FAM120A: variants seen among roughly 807,000 people sequenced by gnomAD.
FAM120A encodes the protein constitutive coactivator of PPAR-gamma-like protein 1.
In FAM120A, 15 loss-of-function variants were observed where a neutral mutation model predicts 109.7. That is an observed-to-expected ratio of 0.14 (90% CI 0.09 to 0.21). The LOEUF (loss-of-function observed/expected upper bound fraction) is 0.21. Ranked by LOEUF, FAM120A falls within the 10% of genes least tolerant of loss-of-function variation. The pLI is 1.00. For synonymous variants in FAM120A, 493 were observed against 572.8 expected, an observed-to-expected ratio of 0.86 and a Z score of 1.99; for missense variants, 899 against 1,439.3, an observed-to-expected ratio of 0.62 and a Z score of 6.07.
chr9:93,485,791 C>T (rs1859018639), intron 3 of FAM120A, among the ~76,000 whole-genome samples: 1 of 149,406 alleles, frequency 6.7e-6, no homozygotes, highest in Admixed American at 6.7e-5. Context: ...AGTCACTCTC[C>T]ACTTCTTTCC....
intron 5 of FAM120A, among the ~76,000 whole-genome samples, chr9:93,505,101 C>T: frequency 7.7e-6 from 1 of 130,194 alleles, no homozygotes; most frequent in Non-Finnish European, 1.6e-5. Flanking sequence ...CGCTCTGTCA[C>T]CCAGGCTGGA....
At chr9:93,496,905 A>C (rs1290526542) in intron 3 of FAM120A, among the ~76,000 whole-genome samples, 1 of 152,204 alleles carries the variant, frequency 6.6e-6, no homozygotes, top group East Asian at 1.9e-4. Flanking sequence ...CTTTCCTCAA[A>C]CATGCCCCTC....
intron 5 of FAM120A, among the ~76,000 whole-genome samples, chr9:93,508,411 G>A (rs774005849): frequency 6.6e-6 from 1 of 152,134 alleles, no homozygotes; most frequent in Non-Finnish European, 1.5e-5. Flanking sequence ...TGCCCTGACA[G>A]GTCCCCAAGG....
chr9:93,546,549 C>T (rs150595194), intron 11 of FAM120A, among the ~76,000 whole-genome samples: 33 of 152,322 alleles, frequency 2.2e-4, no homozygotes, highest in Non-Finnish European at 4.1e-4. Flanking sequence ...CTGAGATGCA[C>T]GGACAGGGAA....
intron 3 of FAM120A, among the ~76,000 whole-genome samples, chr9:93,487,200 C>T (rs900957554): frequency 7.9e-5 from 12 of 152,036 alleles, no homozygotes; most frequent in Non-Finnish European, 1.6e-4. Flanking sequence ...CTCGCTCTGT[C>T]GCCCAGGCTG....
intron 12 of FAM120A, among the ~76,000 whole-genome samples, chr9:93,553,613 C>A (rs1419453906): frequency 6.6e-6 from 1 of 152,108 alleles, no homozygotes; most frequent in African/African-American, 2.4e-5. Context: ...AGTTGAGGAA[C>A]TTTGGATGAT....
chr9:93,561,184 G>A lies in FAM120A; in HGVS notation c.2882G>A (p.Arg961Lys), dbSNP rs368419087. 1.4e-5 allele frequency: 23 copies of A among 1,613,832 alleles called. No individual in the cohort carries two copies. The highest frequency in any genetic ancestry group is 1.9e-5 in the Non-Finnish European group (23 of 1,180,014). ...GTVVGHWAGSRRGRGGRGPFP... is the reference protein window; with the variant it reads ...GTVVGHWAGSKRGRGGRGPFP... The stretch of plus-strand genomic sequence containing the variant: ...GTGGTTGGCCATTGGGCTGGGAGCA[G>A]GCGGGGCCGTGGGGGCCGGGGGCCT... Residue 961 changes from arginine (R) to lysine (K), a missense_variant, in exon 16 of 18, where the codon AGG (arginine) becomes AAG (lysine). Physicochemically the swap from Arg to Lys is conservative, Grantham distance 26. Around this residue, in one of 11 missense-constraint regions of FAM120A, gnomAD observed 170 missense variants for 205.0 expected, o/e 0.83. Transcript: ENST00000277165.
chr9:93,462,856 G>A (rs1335171930), intron 1 of FAM120A, among the ~76,000 whole-genome samples: 1 of 152,166 alleles, frequency 6.6e-6, no homozygotes, highest in African/African-American at 2.4e-5. Context: ...ATGTTGTAAC[G>A]TGTCAGAATT....
intron 7 of FAM120A, among the ~76,000 whole-genome samples, chr9:93,520,923 G>C (rs1172991421): frequency 6.6e-6 from 1 of 152,142 alleles, no homozygotes; most frequent in Non-Finnish European, 1.5e-5. Flanking sequence ...TCTTTTCGTT[G>C]TATTTCTTTA....
intron 1 of FAM120A, chr9:93,453,426 A>C: frequency 1.0e-6 from 1 of 985,442 alleles, no homozygotes; most frequent in Non-Finnish European, 1.2e-6. Context: ...TCTTGAAAAC[A>C]AATTTTGGGG....
At chr9:93,510,472 T>A (rs1468068301) in intron 5 of FAM120A, among the ~76,000 whole-genome samples, 1 of 152,242 alleles carries the variant, frequency 6.6e-6, no homozygotes, top group Non-Finnish European at 1.5e-5. Context: ...GAATGTCAGT[T>A]CAGTTTACCA....
chr9:93,562,779 G>A (rs772780254), intron 17 of FAM120A, among the ~76,000 whole-genome samples: 6 of 150,250 alleles, frequency 4.0e-5, no homozygotes, highest in Non-Finnish European at 5.9e-5. Context: ...ATTCGCTTGC[G>A]TCAGCCTCCC....
At chr9:93,544,642 A>G (rs1234618787) in intron 11 of FAM120A, among the ~76,000 whole-genome samples, 1 of 152,226 alleles carries the variant, frequency 6.6e-6, no homozygotes, top group Admixed American at 6.5e-5. Flanking sequence ...ATTTTACTTT[A>G]TAACCACCAA....
chr9:93,531,288 A>G (rs1036152613), intron 9 of FAM120A: 6 of 152,264 alleles, frequency 3.9e-5, no homozygotes, highest in African/African-American at 1.4e-4. Flanking sequence ...TGAATGAAAG[A>G]AACAGCAAAT....
At chr9:93,537,466 A>G (rs913256676) in intron 10 of FAM120A, among the ~76,000 whole-genome samples, 1 of 152,146 alleles carries the variant, frequency 6.6e-6, no homozygotes, top group Non-Finnish European at 1.5e-5. Flanking sequence ...CTTGCCTCCC[A>G]TTTCCTACAA....
intron 3 of FAM120A, among the ~76,000 whole-genome samples, chr9:93,489,473 C>G (rs1258248269): frequency 1.3e-5 from 2 of 152,172 alleles, no homozygotes; most frequent in Non-Finnish European, 2.9e-5. Context: ...ACGATGGAGC[C>G]CAGGTTCCAG....
chr9:93,494,959 C>T (rs1353209304), intron 3 of FAM120A, among the ~76,000 whole-genome samples: 1 of 152,224 alleles, frequency 6.6e-6, no homozygotes, highest in Non-Finnish European at 1.5e-5. Flanking sequence ...TTTCTTCCCA[C>T]TGTGCGTCAT....
chr9:93,453,151 C>A (rs543593499), intron 1 of FAM120A: 7 of 1,003,500 alleles, frequency 7.0e-6, no homozygotes, highest in Middle Eastern at 5.0e-4. Context: ...AGGAGTCGCT[C>A]AAAATCAGGG....
At chr9:93,516,808 T>G (rs1489452953) in intron 7 of FAM120A, among the ~76,000 whole-genome samples, 3 of 151,192 alleles carry the variant, frequency 2.0e-5, no homozygotes, top group Non-Finnish European at 4.4e-5. Context: ...ACACTGTGTG[T>G]CCCTGAATAA....
Sources: gnomAD v4.1 joint callset for allele counts (sites outside exome capture counted in the v4.1 genomes callset) on GRCh38, gnomAD v4.1.1 for gene constraint, gnomAD v4.1.1 regional missense constraint, MANE v1.5 for transcripts, NCBI Gene and HGNC (gene_info 2026-07-23, HGNC 2026-07-21) for gene names.